NAV2: variants seen among roughly 807,000 people sequenced by gnomAD.
The protein encoded by NAV2 is helicase, APC down-regulated 1.
Under a neutral mutation model 223.2 loss-of-function variants are expected in NAV2, and 54 were observed. The ratio of observed to expected loss-of-function variants is 0.24; its 90% CI spans 0.19 to 0.30. NAV2 has a LOEUF of 0.30. Among genes scored for constraint, NAV2 ranks in the 10% least tolerant of loss-of-function variants. The pLI, the probability that NAV2 is intolerant of heterozygous loss-of-function variation, is 1.00. For synonymous variants in NAV2, 1,279 were observed against 1,239.3 expected (o/e 1.03, Z -0.67); for missense variants, 2,806 against 3,147.5 (o/e 0.89, Z 2.60).
chr11:19,964,860 C>T (rs1250266930), intron 10 of NAV2, among the ~76,000 whole-genome samples: 2 of 85,008 alleles, frequency 2.4e-5, no homozygotes, highest in Non-Finnish European at 4.3e-5. Flanking sequence ...ACTCTTGTTT[C>T]CCAGGCTGGA....
intron 1 of NAV2, chr11:19,505,941 T>C (rs1220568807): frequency 6.6e-6 from 1 of 152,174 alleles, no homozygotes; most frequent in Admixed American, 6.5e-5. Flanking sequence ...CCTTGATGGC[T>C]ATTATGTCAC....
intron 1 of NAV2, among the ~76,000 whole-genome samples, chr11:19,773,374 T>C (rs2055873966): frequency 6.6e-6 from 1 of 152,124 alleles, no homozygotes; most frequent in African/African-American, 2.4e-5. Flanking sequence ...ACCAGAACAC[T>C]GGGACCCTAC....
Position 19,998,829 on chromosome 11 carries a change from G to T in NAV2, c.2768+14582G>T. On this transcript the variant is annotated intron_variant, in intron 11 of 37. Transcript: ENST00000349880. This position sits in a 1 kb window ranked among gnomAD's most constrained non-coding sequence, Gnocchi z 5.0. Reference sequence around the variant, plus strand: ...AATCTAAAGAAAGTTTCAGCTGTTGGTTTCTTTTTGGAAACTGTTTATTTG... The same window carrying T: ...AATCTAAAGAAAGTTTCAGCTGTTGTTTTCTTTTTGGAAACTGTTTATTTG... 6.6e-6 allele frequency among the ~76,000 whole-genome samples: 1 copy of T among 152,134 alleles called. No homozygotes were observed. The highest frequency in any genetic ancestry group is 1.9e-4 in the East Asian group (1 of 5,194).
In NAV2 at chr11:19,854,097, C is replaced by T. The variant is rs562625191; in HGVS notation, c.438+11174C>T. Among the ~76,000 whole-genome samples, 10 of 152,300 alleles carry T rather than the reference C, an allele frequency of 6.6e-5. No individual in the cohort carries two copies. The East Asian group carries it at 1.9e-3, about 29-fold the overall frequency. Reference sequence around the variant, plus strand: ...AGAGAAATTGGATGGTGATTTATAACCGTGTGGATTGTGGTTTATATAAAA... The same window carrying T: ...AGAGAAATTGGATGGTGATTTATAATCGTGTGGATTGTGGTTTATATAAAA... On this transcript the variant is annotated intron_variant, in intron 3 of 37. Transcript: ENST00000349880.
At chr11:19,416,582 T>G (rs1415232645) in intron 1 of NAV2, among the ~76,000 whole-genome samples, 1 of 152,170 alleles carries the variant, frequency 6.6e-6, no homozygotes, top group Non-Finnish European at 1.5e-5. Context: ...CTTCACAGAA[T>G]TAGAAAAAAA....
chr11:19,600,244 G>T (rs1020367831), intron 1 of NAV2, among the ~76,000 whole-genome samples: 1 of 152,148 alleles, frequency 6.6e-6, no homozygotes, highest in East Asian at 1.9e-4. Context: ...TTTCTCCTGG[G>T]ATATGAGAAC....
intron 14 of NAV2, 79 bp from the exon 15 acceptor site, chr11:20,048,649 T>C: frequency 8.1e-7 from 1 of 1,230,818 alleles, no homozygotes; most frequent in Non-Finnish European, 1.2e-6. Context: ...CACCAACTCC[T>C]CTGCCCTACC....
At chr11:19,500,796 G>T (rs1181506851) in intron 1 of NAV2, among the ~76,000 whole-genome samples, 1 of 152,148 alleles carries the variant, frequency 6.6e-6, no homozygotes, top group African/African-American at 2.4e-5. Flanking sequence ...GGGTAAGGTT[G>T]CTCAGGCTGG....
intron 1 of NAV2, among the ~76,000 whole-genome samples, chr11:19,559,237 G>A (rs10734277): frequency 0.4 from 61,296 of 152,024 alleles, 16,401 homozygotes; most frequent in African/African-American, 0.76. Context: ...GAGGTGCCTC[G>A]GCTACAGAGA....
At chr11:19,710,191 C>T (rs73422570), upstream of NAV2, among the ~76,000 whole-genome samples, 603 of 152,254 alleles carry the variant, frequency 4.0e-3, 9 homozygotes, top group African/African-American at 0.014. Context: ...AGTGATCAGG[C>T]GGCTATTTCC....
chr11:19,660,861 C>A (rs2048258339), intron 1 of NAV2, among the ~76,000 whole-genome samples: 1 of 152,132 alleles, frequency 6.6e-6, no homozygotes, highest in Non-Finnish European at 1.5e-5. Context: ...TAGCACTTTT[C>A]TGTGCAAATG....
chr11:19,534,995 T>A lies in NAV2; in HGVS notation c.75+183968T>A, dbSNP rs539425884. Among the ~76,000 whole-genome samples, 5 of 152,250 alleles carry A rather than the reference T, an allele frequency of 3.3e-5. No individual in the cohort carries two copies. The South Asian group carries it at 8.3e-4, about 25-fold the overall frequency. ...AGGGCTGTTTTGAGTGCAAAATAAGTCCTTAGCACAGTGCCTGGGACATAA... is the reference window on the plus strand; with the variant it reads ...AGGGCTGTTTTGAGTGCAAAATAAGACCTTAGCACAGTGCCTGGGACATAA... On this transcript the variant is annotated intron_variant, in intron 1 of 37. Coordinates refer to the NAV2 transcript ENST00000360655.
At chr11:19,379,317 A>C (rs1011378987) in intron 1 of NAV2, among the ~76,000 whole-genome samples, 3 of 152,198 alleles carry the variant, frequency 2.0e-5, no homozygotes, top group Non-Finnish European at 4.4e-5. Flanking sequence ...GGGGTCAGAG[A>C]GAGAACTATT....
At chr11:19,397,957 C>T (rs574606140) in intron 1 of NAV2, among the ~76,000 whole-genome samples, 1 of 152,264 alleles carries the variant, frequency 6.6e-6, no homozygotes, top group South Asian at 2.1e-4. Flanking sequence ...TAGTAGCTGG[C>T]ATTGCTGTAT....
At chr11:19,703,416 C>T (rs952218703) in intron 1 of NAV2, among the ~76,000 whole-genome samples, 11 of 152,160 alleles carry the variant, frequency 7.2e-5, no homozygotes, top group African/African-American at 2.7e-4. Context: ...CAGCAGTAAC[C>T]AAAAGAGGAA....
chr11:19,574,288 T>TGTTTATTATG (rs1364688212), intron 1 of NAV2, among the ~76,000 whole-genome samples: 3 of 152,214 alleles, frequency 2.0e-5, no homozygotes, highest in Admixed American at 6.5e-5. Context: ...AGATATTTTA[T>TGTTTATTATG]GTTTATTATG....
Position 19,580,383 on chromosome 11 carries a change from G to T in NAV2, c.75+229356G>T, listed in dbSNP as rs552838742. Among the ~76,000 whole-genome samples, 10 of 151,956 alleles carry T rather than the reference G, an allele frequency of 6.6e-5. 1 individual carries two copies. The highest frequency in any genetic ancestry group is 2.4e-4 in the African/African-American group (10 of 41,412). On this transcript the variant is annotated intron_variant, in intron 1 of 37. Transcript: ENST00000360655. ...GACATTTATATTTTACAGTTATGGG[G>T]GCTGAGAAGTCCAAGATCAAGGGGC...
chr11:19,533,538 G>A (rs2094605326), intron 1 of NAV2, among the ~76,000 whole-genome samples: 1 of 152,058 alleles, frequency 6.6e-6, no homozygotes, highest in Admixed American at 6.5e-5. Context: ...GCATCCTCCT[G>A]CAGGGCTGGG....
At chr11:19,628,330 G>A (rs139828800) in intron 1 of NAV2, among the ~76,000 whole-genome samples, 3 of 152,192 alleles carry the variant, frequency 2.0e-5, no homozygotes, top group Non-Finnish European at 2.9e-5. Flanking sequence ...ATCCACTCCC[G>A]CTTCCCCACT....
Sources: gnomAD v4.1 joint callset for allele counts (sites outside exome capture counted in the v4.1 genomes callset) on GRCh38, gnomAD v4.1.1 for gene constraint, Gnocchi (gnomAD v3.1) non-coding constraint, MANE v1.5 for transcripts, NCBI Gene and HGNC (gene_info 2026-07-23, HGNC 2026-07-21) for gene names.